Variants in ERO1A observed in about 807,000 individuals in gnomAD.
ERO1A encodes endoplasmic reticulum oxidoreductase 1 alpha.
A neutral mutation model predicts 76.9 loss-of-function variants in ERO1A; 49 were observed. That is an observed-to-expected ratio of 0.64 (90% CI 0.51 to 0.81). ERO1A has a LOEUF of 0.81. Ranked by LOEUF, ERO1A falls within the 30% of genes least tolerant of loss-of-function variation. The probability of loss-of-function intolerance (pLI) is 0.00; values close to 1 mark genes in which losing one functional copy is unlikely to be tolerated. For synonymous variants in ERO1A, 174 were observed against 181.2 expected (o/e 0.96, Z 0.32); for missense variants, 448 against 542.1 (o/e 0.83, Z 1.72).
intron 15 of ERO1A, among the ~76,000 whole-genome samples, chr14:52,645,302 C>CTT (rs35036293): frequency 0.016 from 2,023 of 130,344 alleles, 67 homozygotes; most frequent in African/African-American, 0.056. Flanking sequence ...CATATACACA[C>CTT]TTTTTTTTTT....
chr14:52,694,562 C>T (rs541911850), intron 1 of ERO1A, among the ~76,000 whole-genome samples: 3 of 151,792 alleles, frequency 2.0e-5, no homozygotes, highest in African/African-American at 2.4e-5. Flanking sequence ...TAATTTTTAT[C>T]AACAGAGTCA....
In ERO1A at chr14:52,688,508, T is replaced by C. The variant is rs187599954; in HGVS notation, c.115-4601A>G. Among the ~76,000 whole-genome samples the C allele has an allele frequency of 5.9e-5, 9 of 152,330 alleles. No individual in the cohort carries two copies. In the East Asian group the frequency reaches 1.7e-3, roughly 29 times the overall value. The stretch of plus-strand genomic sequence containing the variant: ...ACCAAGATAAATAGTACAAAGTAAA[T>C]TGTCAGTACATGTTAATCATTATTA... On this transcript the variant is annotated intron_variant, in intron 1 of 15. Coordinates refer to ENST00000395686, the MANE Select transcript of ERO1A (RefSeq NM_014584.3).
chr14:52,647,612 T>A (rs2139629272), intron 13 of ERO1A, among the ~76,000 whole-genome samples: 1 of 152,228 alleles, frequency 6.6e-6, no homozygotes, highest in African/African-American at 2.4e-5. Context: ...TATTATATCA[T>A]TTATAATAGG....
intron 15 of ERO1A, among the ~76,000 whole-genome samples, chr14:52,644,645 T>C (rs530587461): frequency 1.4e-4 from 21 of 152,280 alleles, no homozygotes; most frequent in Non-Finnish European, 2.8e-4. Flanking sequence ...ATATCATTTT[T>C]AAATGCATAA....
intron 1 of ERO1A, among the ~76,000 whole-genome samples, chr14:52,695,112 C>G (rs1420093966): frequency 6.6e-6 from 1 of 152,204 alleles, no homozygotes; most frequent in African/African-American, 2.4e-5. Flanking sequence ...ATGCATAAAC[C>G]CACTCAACCG....
intron 1 of ERO1A, among the ~76,000 whole-genome samples, chr14:52,688,073 C>A (rs1035721467): frequency 6.6e-6 from 1 of 152,064 alleles, no homozygotes; most frequent in African/African-American, 2.4e-5. Context: ...GTAGTCCCAG[C>A]CACTTAGGAG....
At chr14:52,682,524 T>A (rs2041032699) in intron 2 of ERO1A, 116 bp from the exon 3 acceptor site, 2 of 691,264 alleles carry the variant, frequency 2.9e-6, no homozygotes, top group Non-Finnish European at 4.9e-6. Flanking sequence ...ATACAGTATT[T>A]CTTCCACCTA....
At chr14:52,680,799 TA>T (rs2040968575) in intron 3 of ERO1A, among the ~76,000 whole-genome samples, 1 of 152,198 alleles carries the variant, frequency 6.6e-6, no homozygotes, top group Non-Finnish European at 1.5e-5. Context: ...ATATGAGGAT[TA>T]ATGTAACAAA....
intron 3 of ERO1A, among the ~76,000 whole-genome samples, chr14:52,679,341 G>A (rs1250114215): frequency 4.0e-5 from 6 of 151,854 alleles, no homozygotes; most frequent in Non-Finnish European, 7.4e-5. Context: ...ATCTAATCGT[G>A]GCATTTCTCT....
chr14:52,691,046 C>T (rs959426606), intron 1 of ERO1A, among the ~76,000 whole-genome samples: 8 of 152,140 alleles, frequency 5.3e-5, no homozygotes, highest in Non-Finnish European at 1.2e-4. Context: ...GAATTACAGG[C>T]GTAAGCCACC....
At chr14:52,667,101 CA>C (rs1214623380) in intron 6 of ERO1A, among the ~76,000 whole-genome samples, 1 of 152,190 alleles carries the variant, frequency 6.6e-6, no homozygotes, top group Non-Finnish European at 1.5e-5. Context: ...AAGAATATAA[CA>C]TACATTTCCC....
chr14:52,657,853 A>G, intron 11 of ERO1A, 64 bp downstream of exon 11: 1 of 1,172,490 alleles, frequency 8.5e-7, no homozygotes, highest in Non-Finnish European at 1.2e-6. Context: ...GGTAAATGCC[A>G]GGAAAATTTT....
chr14:52,687,638 G>A (rs759629826), intron 1 of ERO1A, among the ~76,000 whole-genome samples: 7 of 152,186 alleles, frequency 4.6e-5, no homozygotes, highest in African/African-American at 7.2e-5. Flanking sequence ...ATGCGGGTAA[G>A]GGGGAAAATT....
intron 11 of ERO1A, among the ~76,000 whole-genome samples, chr14:52,655,401 A>G (rs2139656736): frequency 6.6e-6 from 1 of 152,260 alleles, no homozygotes; most frequent in Non-Finnish European, 1.5e-5. Flanking sequence ...TGTGACATCT[A>G]TCTAATTTGC....
intron 8 of ERO1A, among the ~76,000 whole-genome samples, chr14:52,663,591 C>T (rs1033803889): frequency 3.4e-5 from 5 of 148,490 alleles, no homozygotes; most frequent in Admixed American, 1.3e-4. Context: ...CAGAGCGAGA[C>T]TCCATCTCAA....
chr14:52,655,191 C>T (rs905176521), intron 11 of ERO1A, among the ~76,000 whole-genome samples: 1 of 151,944 alleles, frequency 6.6e-6, no homozygotes, highest in African/African-American at 2.4e-5. Context: ...ATGGTGAAAC[C>T]CCACCTCTAC....
intron 1 of ERO1A, among the ~76,000 whole-genome samples, chr14:52,686,790 G>A (rs563770869): frequency 2.0e-5 from 3 of 152,048 alleles, no homozygotes; most frequent in Non-Finnish European, 2.9e-5. Context: ...CCGGAGAATC[G>A]CTTGAACCGG....
rs1322077926 is a variant in ERO1A at position 52,643,293 on chromosome 14, A to G, written c.*277T>C. 8.8e-6 allele frequency: 2 copies of G among 227,218 alleles called. No individual in the cohort carries two copies. Among genetic ancestry groups the G allele is most frequent in the Non-Finnish European group, 1.7e-5 (2 of 118,526 alleles). 14.1% of individuals were successfully genotyped at this position (227,218 alleles called of 1,614,324 possible). On this transcript the variant is annotated 3_prime_UTR_variant, in exon 16 of 16. Transcript: ENST00000395686. ...TGAGAGACTTAGAACATTCACTTTT[A>G]TCATATATGAATTTGATAATCCTCC...
rs554809283 is a variant in ERO1A, at chr14:52,668,595, G to A, written c.509-2100C>T. On this transcript the variant is annotated intron_variant, in intron 6 of 15. Transcript: ENST00000395686. ...AAATAAAATAAAATACATAAACAAC[G>A]GTCAGTATCCAGGACTTTGAGAAAA... Among the ~76,000 whole-genome samples, 41 of 150,312 alleles carry A rather than the reference G, an allele frequency of 2.7e-4. 1 individual carries two copies. The South Asian group carries it at 3.6e-3, about 13-fold the overall frequency.
Sources: allele counts gnomAD v4.1 joint callset (sites outside exome capture counted in the v4.1 genomes callset), GRCh38; gene constraint gnomAD v4.1.1; transcripts MANE v1.5; gene names NCBI Gene and HGNC (gene_info 2026-07-23, HGNC 2026-07-21).